CAMKMT: variants seen among roughly 807,000 people sequenced by gnomAD.
CAMKMT encodes the protein calmodulin-lysine N-methyltransferase, also known as CaM KMT.
In CAMKMT, 53 loss-of-function variants were observed where a neutral mutation model predicts 48.0. The observed-to-expected ratio is 1.10, with a 90% CI of 0.89 to 1.39. The LOEUF (loss-of-function observed/expected upper bound fraction) is 1.39. Ranked by LOEUF, CAMKMT falls within the 40% of genes most tolerant of loss-of-function variation. The pLI, the probability that CAMKMT is intolerant of heterozygous loss-of-function variation, is 0.00. For missense variants in CAMKMT, 428 were observed against 402.7 expected (o/e 1.06, Z -0.54); for synonymous variants, 165 against 152.3 (o/e 1.08, Z -0.61).
At chr2:44,523,014 T>A (rs1671200248) in intron 3 of CAMKMT, among the ~76,000 whole-genome samples, 1 of 152,184 alleles carries the variant, frequency 6.6e-6, no homozygotes, top group Non-Finnish European at 1.5e-5. Context: ...TTACATTTTT[T>A]ATTTATGCTT....
chr2:44,436,349 A>G (rs1666251835), intron 3 of CAMKMT, among the ~76,000 whole-genome samples: 1 of 152,060 alleles, frequency 6.6e-6, no homozygotes, highest in South Asian at 2.1e-4. Flanking sequence ...AAGTGCTGGG[A>G]TTATAGGTAT....
chr2:44,398,565 TTC>T (rs1682067814), intron 3 of CAMKMT, among the ~76,000 whole-genome samples: 1 of 103,660 alleles, frequency 9.6e-6, no homozygotes, highest in African/African-American at 3.7e-5. Flanking sequence ...TTCTTTTCTT[TTC>T]TTTTTTTTTT....
chr2:44,448,572 A>G (rs1667126628), intron 3 of CAMKMT, among the ~76,000 whole-genome samples: 1 of 152,202 alleles, frequency 6.6e-6, no homozygotes, highest in African/African-American at 2.4e-5. Context: ...ATGAGAGTTT[A>G]GTAATTGTGT....
intron 3 of CAMKMT, among the ~76,000 whole-genome samples, chr2:44,559,872 A>G (rs13399508): frequency 0.027 from 4,084 of 152,292 alleles, 185 homozygotes; most frequent in African/African-American, 0.093. Context: ...TTTGTTTAAG[A>G]TAAAAAAGCT....
intron 3 of CAMKMT, among the ~76,000 whole-genome samples, chr2:44,436,073 T>C (rs1157000749): frequency 2.0e-5 from 3 of 152,078 alleles, no homozygotes; most frequent in African/African-American, 7.2e-5. Context: ...CCAATTCTTT[T>C]TTTCTTTTTT....
At chr2:44,595,655 TA>T (rs1670608078) in intron 3 of CAMKMT, among the ~76,000 whole-genome samples, 1 of 152,142 alleles carries the variant, frequency 6.6e-6, no homozygotes, top group Non-Finnish European at 1.5e-5. Context: ...CTTTAAAGTT[TA>T]AAAAACTACT....
chr2:44,684,714 G>A (rs765573900), intron 3 of CAMKMT, among the ~76,000 whole-genome samples: 1 of 152,138 alleles, frequency 6.6e-6, no homozygotes, highest in Non-Finnish European at 1.5e-5. Flanking sequence ...CATGTTGCTG[G>A]CCTGGAAACT....
At chr2:44,462,759 G>A (rs1667913136) in intron 3 of CAMKMT, among the ~76,000 whole-genome samples, 1 of 151,980 alleles carries the variant, frequency 6.6e-6, no homozygotes, top group Non-Finnish European at 1.5e-5. Flanking sequence ...ATATAATTCA[G>A]GTCTCAGCTA....
chr2:44,735,437 T>C (rs925001451), intron 7 of CAMKMT, among the ~76,000 whole-genome samples: 1 of 152,218 alleles, frequency 6.6e-6, no homozygotes, highest in Non-Finnish European at 1.5e-5. Flanking sequence ...CATCTTGTTC[T>C]GCTTGCTTTT....
In CAMKMT at chr2:44,646,409, T is replaced by C. The variant is rs537885699; in HGVS notation, c.377-57874T>C. 2.1e-3 allele frequency among the ~76,000 whole-genome samples: 327 copies of C among 152,294 alleles called. 1 individual carries two copies. Among genetic ancestry groups the C allele is most frequent in the African/African-American group, 7.5e-3 (313 of 41,544 alleles). On this transcript the variant is annotated intron_variant, in intron 3 of 10. Coordinates refer to ENST00000378494, the MANE Select transcript of CAMKMT (RefSeq NM_024766.5). The stretch of plus-strand genomic sequence containing the variant: ...GGCTAGTTTACCTGTCTCATAACGT[T>C]ACAGAAAAATATGAGCCTAAGGGAA...
intron 3 of CAMKMT, among the ~76,000 whole-genome samples, chr2:44,523,323 C>G (rs1019999268): frequency 6.9e-6 from 1 of 144,222 alleles, no homozygotes; most frequent in African/African-American, 2.6e-5. Flanking sequence ...GACAGAGTCT[C>G]ACTCTGTCGC....
At chr2:44,549,060 A>C (rs1466104604) in intron 3 of CAMKMT, among the ~76,000 whole-genome samples, 1 of 152,162 alleles carries the variant, frequency 6.6e-6, no homozygotes, top group Non-Finnish European at 1.5e-5. Flanking sequence ...CCTGTTCCAC[A>C]TTTGTTTCCT....
chr2:44,454,676 C>T (rs1025965441), intron 3 of CAMKMT, among the ~76,000 whole-genome samples: 1 of 152,036 alleles, frequency 6.6e-6, no homozygotes, highest in Non-Finnish European at 1.5e-5. Context: ...CTCTATTTTA[C>T]TTATCTCTTG....
intron 3 of CAMKMT, among the ~76,000 whole-genome samples, chr2:44,552,921 AGAAAG>A (rs1161016958): frequency 6.6e-6 from 1 of 152,232 alleles, no homozygotes; most frequent in Non-Finnish European, 1.5e-5. Context: ...TAATTTTAAA[AGAAAG>A]AGACAAATAT....
intron 3 of CAMKMT, among the ~76,000 whole-genome samples, chr2:44,503,208 C>T (rs1369549328): frequency 6.6e-6 from 1 of 151,928 alleles, no homozygotes; most frequent in Non-Finnish European, 1.5e-5. Flanking sequence ...TTAACCTCTC[C>T]CCTGCTTGTG....
chr2:44,720,138 G>A (rs1014325748), intron 7 of CAMKMT, among the ~76,000 whole-genome samples: 2 of 152,090 alleles, frequency 1.3e-5, no homozygotes, highest in Non-Finnish European at 2.9e-5. Flanking sequence ...CCATAAGAAC[G>A]TTAGCCGGTT....
intron 3 of CAMKMT, among the ~76,000 whole-genome samples, chr2:44,590,440 A>T (rs1346882517): frequency 1.3e-5 from 2 of 152,152 alleles, no homozygotes; most frequent in Admixed American, 1.3e-4. Context: ...CTTTTTAATG[A>T]TTGCCATTCT....
chr2:44,429,277 A>ATGTGTG (rs34628835), intron 3 of CAMKMT, among the ~76,000 whole-genome samples: 10 of 147,024 alleles, frequency 6.8e-5, no homozygotes, highest in African/African-American at 2.3e-4. Context: ...GTGTGTGTGT[A>ATGTGTG]TGTGTGTGTG....
At chr2:44,588,311 G>A (rs1211570165) in intron 3 of CAMKMT, among the ~76,000 whole-genome samples, 9 of 87,548 alleles carry the variant, frequency 1.0e-4, no homozygotes, top group African/African-American at 3.9e-4. Flanking sequence ...GGAGGGGGGG[G>A]GTCAGCCCCC....
Sources: allele counts gnomAD v4.1 joint callset (sites outside exome capture counted in the v4.1 genomes callset), GRCh38; gene constraint gnomAD v4.1.1; transcripts MANE v1.5; gene names NCBI Gene and HGNC (gene_info 2026-07-23, HGNC 2026-07-21).